MELK: variants seen among roughly 807,000 people sequenced by gnomAD.
MELK encodes pEg3 kinase.
MELK carries 81 observed loss-of-function variants against 85.0 expected under a neutral mutation model. The ratio of observed to expected loss-of-function variants is 0.95; its 90% confidence interval spans 0.80 to 1.15. MELK has a LOEUF of 1.15. Among genes scored for constraint, MELK ranks in the 50% most tolerant of loss-of-function variants. The pLI, the probability that MELK is intolerant of heterozygous loss-of-function variation, is 0.00. For missense variants in MELK, 754 were observed against 777.5 expected, an observed-to-expected ratio of 0.97 and a Z score of 0.36; for synonymous variants, 252 against 265.0, an observed-to-expected ratio of 0.95 and a Z score of 0.48.
At chr9:36,626,496 A>T (rs1308251059) in intron 8 of MELK, among the ~76,000 whole-genome samples, 1 of 152,242 alleles carries the variant, frequency 6.6e-6, no homozygotes, top group East Asian at 1.9e-4. Context: ...AGATAAATGC[A>T]CACTTACACG....
intron 8 of MELK, among the ~76,000 whole-genome samples, chr9:36,622,636 A>T (rs1827553374): frequency 1.3e-5 from 2 of 152,226 alleles, no homozygotes; most frequent in Admixed American, 6.5e-5. Context: ...GGGAAGTATA[A>T]ATAATTTAGC....
rs201838679 is a variant in MELK at position 36,665,451 on chromosome 9, A to T, written c.1278A>T (p.Val426=). 1 of 1,613,200 alleles carries T rather than the reference A, an allele frequency of 6.2e-7. No individual in the cohort carries two copies. Among genetic ancestry groups the T allele is most frequent in the East Asian group, 2.2e-5 (1 of 44,810 alleles). ...ATAAATTAAAGAACAAAGAAAATGT[A>T]TATACTCCTAAGTCTGCTGTAAAGA... The part of the protein sequence containing the change: ...PANKLKNKEN[V]YTPKSAVKNE... The change falls in exon 14 of 18, where the codon GTA becomes GTT. Residue 426 remains valine (V), a synonymous_variant. Transcript: ENST00000298048.
chr9:36,635,176 G>GTA (rs1466508749), intron 10 of MELK, among the ~76,000 whole-genome samples: 1 of 152,070 alleles, frequency 6.6e-6, no homozygotes, highest in Non-Finnish European at 1.5e-5. Flanking sequence ...CGAACTATGG[G>GTA]TATATGACAA....
At chr9:36,592,622 T>C (rs1270836338) in intron 4 of MELK, among the ~76,000 whole-genome samples, 1 of 152,190 alleles carries the variant, frequency 6.6e-6, no homozygotes, top group Non-Finnish European at 1.5e-5. Context: ...TCACAAATTA[T>C]TACTTTGCAC....
chr9:36,630,241 A>C, intron 8 of MELK, 58 bp from the exon 9 acceptor site: 1 of 1,294,910 alleles, frequency 7.7e-7, no homozygotes, highest in Non-Finnish European at 1.1e-6. Flanking sequence ...GTTATTACCT[A>C]AGGAATTTGT....
intron 2 of MELK, among the ~76,000 whole-genome samples, chr9:36,581,991 G>A (rs942077781): frequency 1.3e-5 from 2 of 150,812 alleles, no homozygotes; most frequent in African/African-American, 4.9e-5. Flanking sequence ...TTTTTGAGAC[G>A]GAGTCTCACT....
At chr9:36,585,307 T>G (rs1268814386) in intron 3 of MELK, among the ~76,000 whole-genome samples, 2 of 139,648 alleles carry the variant, frequency 1.4e-5, no homozygotes, top group Non-Finnish European at 3.1e-5. Flanking sequence ...TCTTTGTTTT[T>G]TTTTTTTTTT....
chr9:36,580,038 CTTTTTTTTTTTTTT>C (rs58166111), intron 1 of MELK, among the ~76,000 whole-genome samples: 1 of 117,962 alleles, frequency 8.5e-6, no homozygotes, highest in Non-Finnish European at 1.8e-5. Flanking sequence ...TTCATGTCTT[CTTTTTTTTTTTTTT>C]TTTTTTTTAT....
chr9:36,576,812 G>A (rs1821708251), intron 1 of MELK, among the ~76,000 whole-genome samples: 1 of 152,104 alleles, frequency 6.6e-6, no homozygotes, highest in South Asian at 2.1e-4. Flanking sequence ...GATTACAGGC[G>A]GGAGCCATTG....
intron 15 of MELK, among the ~76,000 whole-genome samples, chr9:36,669,861 A>T (rs77382702): frequency 1.9e-5 from 2 of 104,058 alleles, no homozygotes; most frequent in East Asian, 5.8e-4. Flanking sequence ...TCTTAAAGGC[A>T]TTGTCTATTT....
chr9:36,606,705 A>T (rs2135810849), intron 7 of MELK: 1 of 147,956 alleles, frequency 6.8e-6, no homozygotes, highest in African/African-American at 2.5e-5. Flanking sequence ...GCATATATGT[A>T]TATATGGACA....
chr9:36,624,600 A>G (rs994408965), intron 8 of MELK, among the ~76,000 whole-genome samples: 1 of 152,344 alleles, frequency 6.6e-6, no homozygotes, highest in African/African-American at 2.4e-5. Flanking sequence ...GGAATCTATT[A>G]AAAGATACTT....
chr9:36,662,302 G>C (rs1831925099), intron 13 of MELK, among the ~76,000 whole-genome samples: 1 of 150,122 alleles, frequency 6.7e-6, no homozygotes, highest in Non-Finnish European at 1.5e-5. Flanking sequence ...GAGTGCAATG[G>C]CGTGATCTCA....
At chr9:36,588,609 C>T (rs180958418) in intron 3 of MELK, among the ~76,000 whole-genome samples, 1 of 151,992 alleles carries the variant, frequency 6.6e-6, no homozygotes, top group Non-Finnish European at 1.5e-5. Context: ...AAAGTCCCAA[C>T]CTCAGGTAGT....
At chr9:36,642,755 T>C (rs977039789) in intron 10 of MELK, among the ~76,000 whole-genome samples, 2 of 152,132 alleles carry the variant, frequency 1.3e-5, no homozygotes, top group Non-Finnish European at 2.9e-5. Flanking sequence ...TAACAACAGT[T>C]GCTCAGATGA....
chr9:36,603,993 G>C (rs1306979818), intron 7 of MELK, among the ~76,000 whole-genome samples: 1 of 151,814 alleles, frequency 6.6e-6, no homozygotes, highest in Admixed American at 6.6e-5. Context: ...TTTTGAGACG[G>C]AGTTTCGCTC....
At chr9:36,645,409 A>C (rs1459160148) in intron 11 of MELK, among the ~76,000 whole-genome samples, 1 of 152,134 alleles carries the variant, frequency 6.6e-6, no homozygotes, top group Non-Finnish European at 1.5e-5. Context: ...CTGGTGCATA[A>C]AACATAACAA....
intron 8 of MELK, among the ~76,000 whole-genome samples, chr9:36,629,163 C>T (rs986177227): frequency 1.3e-5 from 2 of 152,132 alleles, no homozygotes; most frequent in African/African-American, 4.8e-5. Flanking sequence ...CCACGCCCAG[C>T]CTGGTTTTGT....
At chr9:36,639,529 C>T (rs920557592) in intron 10 of MELK, among the ~76,000 whole-genome samples, 4 of 152,138 alleles carry the variant, frequency 2.6e-5, no homozygotes, top group Admixed American at 6.5e-5. Context: ...TCTGCCCTGG[C>T]GAACAGGAAA....
Sources: allele counts gnomAD v4.1 joint callset (sites outside exome capture counted in the v4.1 genomes callset), GRCh38; gene constraint gnomAD v4.1.1; transcripts MANE v1.5; gene names NCBI Gene and HGNC (gene_info 2026-07-23, HGNC 2026-07-21).